The following MAP2K4 variants were observed in gnomAD, a reference collection of about 807,000 sequenced individuals.
MAP2K4 encodes dual specificity mitogen-activated protein kinase kinase 4.
In MAP2K4, 4 loss-of-function variants were observed where a neutral mutation model predicts 48.5. The observed-to-expected ratio is 0.08, with a 90% confidence interval of 0.04 to 0.19. MAP2K4 has a LOEUF of 0.19. Ranked by LOEUF, MAP2K4 falls within the 10% of genes least tolerant of loss-of-function variation. The pLI, the probability that MAP2K4 is intolerant of heterozygous loss-of-function variation, is 1.00. For missense variants in MAP2K4, 258 were observed against 493.3 expected (o/e 0.52, Z 4.52); for synonymous variants, 166 against 173.1 (o/e 0.96, Z 0.32).
At chr17:12,032,334 T>G in intron 1 of MAP2K4, 1 of 1,137,806 alleles carries the variant, frequency 8.8e-7, no homozygotes. Flanking sequence ...TGCTATTTAT[T>G]TTTTTCATAT....
intron 1 of MAP2K4, among the ~76,000 whole-genome samples, chr17:12,044,747 C>T (rs760138344): frequency 6.6e-6 from 1 of 152,212 alleles, no homozygotes; most frequent in Non-Finnish European, 1.5e-5. Flanking sequence ...GGCTCAGTCC[C>T]ACAAGGCTGC....
chr17:12,126,050 G>C (rs778431179), intron 8 of MAP2K4, among the ~76,000 whole-genome samples: 6 of 152,064 alleles, frequency 3.9e-5, no homozygotes, highest in Non-Finnish European at 7.4e-5. Flanking sequence ...GGTCTCATGA[G>C]AACTCTATCA....
intron 2 of MAP2K4, among the ~76,000 whole-genome samples, chr17:12,067,168 G>A (rs1970643745): frequency 6.6e-6 from 1 of 152,116 alleles, no homozygotes; most frequent in African/African-American, 2.4e-5. Context: ...TTGTATAGGT[G>A]TATTATATAT....
rs1373192745 is a variant in MAP2K4 at position 12,141,447 on chromosome 17, TCA to T, written c.*192_*193del. 5 of 608,450 alleles carry T rather than the reference TCA, an allele frequency of 8.2e-6. No individual in the cohort carries two copies. Among genetic ancestry groups the T allele is most frequent in the South Asian group, 7.8e-5 (4 of 51,492 alleles). The allele number at this position is 608,450 out of a possible 1,614,324, so 37.7% of individuals were successfully genotyped here. ...GTGCATCCTTGTAATACCTGATTGA[TCA>T]CACAGTGTTAGTGCTGGTCAGAGAG... On this transcript the variant is annotated 3_prime_UTR_variant, in exon 11 of 11. Coordinates refer to ENST00000353533, the MANE Select transcript of MAP2K4 (RefSeq NM_003010.4).
At chr17:12,120,485 GA>G (rs1042732531) in intron 7 of MAP2K4, among the ~76,000 whole-genome samples, 5 of 150,644 alleles carry the variant, frequency 3.3e-5, no homozygotes, top group Admixed American at 3.3e-4. Context: ...AAATAAAAAG[GA>G]AAAAAACTAA....
chr17:12,137,456 T>C (rs1056424541), intron 9 of MAP2K4, among the ~76,000 whole-genome samples: 4 of 152,160 alleles, frequency 2.6e-5, no homozygotes, highest in African/African-American at 9.7e-5. Flanking sequence ...AATAGAAGTC[T>C]TGGAAATGGA....
At chr17:12,138,327 A>G (rs1425624846) in intron 9 of MAP2K4, among the ~76,000 whole-genome samples, 1 of 152,204 alleles carries the variant, frequency 6.6e-6, no homozygotes. Context: ...ACTGTCAACC[A>G]GAAGCCTTAC....
intron 1 of MAP2K4, among the ~76,000 whole-genome samples, chr17:12,045,384 G>T (rs1285524853): frequency 6.6e-6 from 1 of 152,126 alleles, no homozygotes; most frequent in Non-Finnish European, 1.5e-5. Flanking sequence ...TGTGCACGTG[G>T]TTCCTTGCTA....
intron 9 of MAP2K4, among the ~76,000 whole-genome samples, chr17:12,137,361 T>C (rs1032581321): frequency 1.3e-5 from 2 of 152,172 alleles, no homozygotes; most frequent in African/African-American, 4.8e-5. Context: ...AAATATGCTG[T>C]AAAAGAAAAT....
At chr17:12,044,811 C>G (rs949390447) in intron 1 of MAP2K4, among the ~76,000 whole-genome samples, 1 of 152,204 alleles carries the variant, frequency 6.6e-6, no homozygotes, top group Non-Finnish European at 1.5e-5. Context: ...TCTGACTGTC[C>G]GGCTCCCAGT....
At chr17:12,101,159 T>C (rs761371995) in intron 4 of MAP2K4, among the ~76,000 whole-genome samples, 6 of 152,166 alleles carry the variant, frequency 3.9e-5, no homozygotes, top group Admixed American at 1.3e-4. Context: ...TTATCTCTTA[T>C]GTATTCTCCT....
chr17:12,044,803 T>C (rs1003833006), intron 1 of MAP2K4, among the ~76,000 whole-genome samples: 7 of 152,240 alleles, frequency 4.6e-5, no homozygotes, highest in Admixed American at 4.6e-4. Flanking sequence ...TCAGAACTTC[T>C]GACTGTCCGG....
chr17:12,115,410 C>G, intron 7 of MAP2K4: 1 of 425,640 alleles, frequency 2.3e-6, no homozygotes, highest in Non-Finnish European at 4.5e-6. Context: ...TTCTAGACTA[C>G]AAGCCTATAC....
chr17:12,069,786 AG>A (rs1970727347), intron 2 of MAP2K4: 1 of 864,536 alleles, frequency 1.2e-6, no homozygotes, highest in Non-Finnish European at 1.6e-6. Context: ...GGATGCATAA[AG>A]CAGTATTCAT....
chr17:12,111,290 TTTTG>T (rs1260430064), intron 6 of MAP2K4, among the ~76,000 whole-genome samples: 1 of 152,202 alleles, frequency 6.6e-6, no homozygotes, highest in Non-Finnish European at 1.5e-5. Context: ...ATTTAAGTTC[TTTTG>T]TTTGTGGTTG....
intron 1 of MAP2K4, among the ~76,000 whole-genome samples, chr17:12,041,477 C>G (rs568873353): frequency 6.6e-6 from 1 of 152,130 alleles, no homozygotes; most frequent in African/African-American, 2.4e-5. Context: ...TACAAAAGAT[C>G]GCCACGTCTT....
intron 3 of MAP2K4, among the ~76,000 whole-genome samples, chr17:12,086,115 A>G (rs1567652116): frequency 6.6e-6 from 1 of 152,124 alleles, no homozygotes; most frequent in African/African-American, 2.4e-5. Context: ...CATTTTATTC[A>G]CTTCCAAAGG....
chr17:12,064,080 T>G (rs1375785579), intron 2 of MAP2K4, among the ~76,000 whole-genome samples: 3 of 151,708 alleles, frequency 2.0e-5, no homozygotes, highest in South Asian at 4.2e-4. Flanking sequence ...TGTATATATA[T>G]ATATCTGACA....
chr17:12,099,545 A>T (rs528084882), intron 4 of MAP2K4, among the ~76,000 whole-genome samples: 1 of 152,176 alleles, frequency 6.6e-6, no homozygotes, highest in African/African-American at 2.4e-5. Context: ...GGTAACTTCT[A>T]TGTTGCCACT....
Sources: gnomAD v4.1 joint callset for allele counts (sites outside exome capture counted in the v4.1 genomes callset) on GRCh38, gnomAD v4.1.1 for gene constraint, MANE v1.5 for transcripts, NCBI Gene and HGNC (gene_info 2026-07-23, HGNC 2026-07-21) for gene names.